SEMA3A: variants seen among roughly 807,000 people sequenced by gnomAD.
The protein encoded by SEMA3A is semaphorin 3A.
Under a neutral mutation model 97.9 loss-of-function variants are expected in SEMA3A, and 29 were observed. That is an observed-to-expected ratio of 0.30 (90% CI 0.22 to 0.40). SEMA3A has a LOEUF of 0.40. Ranked by LOEUF, SEMA3A falls within the 10% of genes least tolerant of loss-of-function variation. The pLI is 1.00. For missense variants in SEMA3A, 763 were observed against 951.3 expected (o/e 0.80, Z 2.60); for synonymous variants, 321 against 323.7 (o/e 0.99, Z 0.09).
chr7:84,243,135 T>A (rs963399480), intron 3 of SEMA3A, among the ~76,000 whole-genome samples: 19 of 152,174 alleles, frequency 1.2e-4, no homozygotes, highest in Non-Finnish European at 2.2e-4. Flanking sequence ...TCTGCCAGGT[T>A]TTGGTATCAG....
At chr7:84,050,495 C>T (rs1175326600) in intron 5 of SEMA3A, among the ~76,000 whole-genome samples, 7 of 152,040 alleles carry the variant, frequency 4.6e-5, no homozygotes, top group Admixed American at 3.9e-4. Context: ...TTTTTGGCTG[C>T]ATAAATGTCT....
intron 3 of SEMA3A, among the ~76,000 whole-genome samples, chr7:84,268,537 AT>A (rs913809447): frequency 7.2e-5 from 11 of 151,774 alleles, no homozygotes; most frequent in African/African-American, 2.4e-4. Flanking sequence ...CCTTCCTAGT[AT>A]TTTCCCTTTT....
rs369174283 is a variant in SEMA3A, at chr7:84,300,934, T to C, written c.-83+6273A>G. Among the ~76,000 whole-genome samples the C allele has an allele frequency of 6.6e-5, 10 of 152,202 alleles. No homozygotes were observed. In the East Asian group the frequency reaches 1.9e-3, roughly 29 times the overall value. ...GACACATTCTGGGCCTTAAAACAAC[T>C]CTGAATAGATTTAAATTATTTCTAT... On this transcript the variant is annotated intron_variant, in intron 3 of 3. Coordinates refer to the SEMA3A transcript ENST00000424555.
rs566377794 is a variant in SEMA3A at position 84,090,226 on chromosome 7, A to T, written c.453+20244T>A. 2.6e-5 allele frequency among the ~76,000 whole-genome samples: 4 copies of T among 152,272 alleles called. No homozygotes were observed. In the South Asian group the frequency reaches 8.3e-4, roughly 32 times the overall value. On this transcript the variant is annotated intron_variant, in intron 4 of 16. Transcript: ENST00000265362. ...AAGTTGGTAAGAACTTTTAAGTAAA[A>T]CTATGTGGGTTTAGGTACTAGGTAA...
At chr7:84,195,863 C>T (rs994707467), upstream of SEMA3A, among the ~76,000 whole-genome samples, 1 of 152,104 alleles carries the variant, frequency 6.6e-6, no homozygotes, top group African/African-American at 2.4e-5. Flanking sequence ...ATCTCTGTGT[C>T]TTCATGAGCT....
intron 1 of SEMA3A, among the ~76,000 whole-genome samples, chr7:84,417,018 T>G (rs942634851): frequency 6.6e-6 from 1 of 151,978 alleles, no homozygotes; most frequent in Non-Finnish European, 1.5e-5. Context: ...TTTTAAACTT[T>G]AATTTATTTG....
intron 6 of SEMA3A, among the ~76,000 whole-genome samples, chr7:84,022,116 T>C (rs1471313316): frequency 6.7e-6 from 1 of 149,098 alleles, no homozygotes; most frequent in Non-Finnish European, 1.5e-5. Flanking sequence ...AAAACATGTC[T>C]CTCAATTTTA....
Position 84,036,678 on chromosome 7 carries a change from G to C in SEMA3A, c.667+9646C>G, listed in dbSNP as rs147477926. 5.9e-5 allele frequency among the ~76,000 whole-genome samples: 9 copies of C among 152,082 alleles called. No homozygotes were observed. In the East Asian group the frequency reaches 1.7e-3, roughly 29 times the overall value. Reference sequence around the variant, plus strand: ...TGATAAACAGTAACTGAAATGAATAGTTTAATCTCTGTAGAAAAATACCTA... The same window carrying C: ...TGATAAACAGTAACTGAAATGAATACTTTAATCTCTGTAGAAAAATACCTA... On this transcript the variant is annotated intron_variant, in intron 6 of 16. Coordinates refer to ENST00000265362, the MANE Select transcript of SEMA3A (RefSeq NM_006080.3).
At chr7:84,086,934 C>A (rs1457407890) in intron 4 of SEMA3A, among the ~76,000 whole-genome samples, 1 of 151,888 alleles carries the variant, frequency 6.6e-6, no homozygotes. Context: ...ACAGCTCTCT[C>A]TTTTCATATA....
At chr7:84,059,498 A>T (rs1027428528) in intron 5 of SEMA3A, among the ~76,000 whole-genome samples, 2 of 152,100 alleles carry the variant, frequency 1.3e-5, no homozygotes, top group African/African-American at 4.8e-5. Flanking sequence ...GAAGAGAAAC[A>T]TGGAAAACTT....
chr7:84,151,787 A>G (rs1164803623), intron 1 of SEMA3A, among the ~76,000 whole-genome samples: 1 of 152,140 alleles, frequency 6.6e-6, no homozygotes, highest in East Asian at 1.9e-4. Flanking sequence ...AATTTTCGCA[A>G]CCTACTCATC....
chr7:84,306,797 T>C (rs1302231944), intron 3 of SEMA3A, among the ~76,000 whole-genome samples: 1 of 152,150 alleles, frequency 6.6e-6, no homozygotes, highest in African/African-American at 2.4e-5. Flanking sequence ...TTCTGGATGA[T>C]AGTAACCATA....
chr7:84,230,501 T>C (rs1465410305), intron 3 of SEMA3A, among the ~76,000 whole-genome samples: 2 of 151,994 alleles, frequency 1.3e-5, no homozygotes, highest in African/African-American at 2.4e-5. Flanking sequence ...ACTCCTCTTT[T>C]ATTGGTACTT....
At chr7:84,282,574 T>G (rs1300458475) in intron 3 of SEMA3A, among the ~76,000 whole-genome samples, 2 of 152,094 alleles carry the variant, frequency 1.3e-5, no homozygotes, top group Non-Finnish European at 2.9e-5. Context: ...CTAACAACCT[T>G]CTCTAAGTCA....
intron 2 of SEMA3A, among the ~76,000 whole-genome samples, chr7:84,133,699 A>C (rs1414207150): frequency 1.3e-5 from 2 of 152,058 alleles, no homozygotes; most frequent in Non-Finnish European, 2.9e-5. Context: ...ACACATATAG[A>C]CTTAGTAGCA....
intron 6 of SEMA3A, among the ~76,000 whole-genome samples, chr7:84,033,986 ATT>A (rs35107072): frequency 1.0e-4 from 15 of 147,790 alleles, no homozygotes; most frequent in Non-Finnish European, 7.5e-5. Context: ...TTTGTTTTTA[ATT>A]TTTTTTTTTT....
intron 1 of SEMA3A, among the ~76,000 whole-genome samples, chr7:84,451,419 C>T (rs1393751778): frequency 6.6e-6 from 1 of 152,154 alleles, no homozygotes. Flanking sequence ...GCCCAGCTAT[C>T]ACAAATAACT....
intron 1 of SEMA3A, among the ~76,000 whole-genome samples, chr7:84,161,967 A>G (rs1272463320): frequency 6.6e-6 from 1 of 152,206 alleles, no homozygotes; most frequent in African/African-American, 2.4e-5. Flanking sequence ...TGGCTCTGCA[A>G]TAATTTTAAT....
At chr7:84,115,539 G>GAA (rs1378972390) in intron 3 of SEMA3A, among the ~76,000 whole-genome samples, 2 of 152,042 alleles carry the variant, frequency 1.3e-5, no homozygotes, top group African/African-American at 4.8e-5. Context: ...AATTCACTTT[G>GAA]AAATTCTGTG....
Sources: gnomAD v4.1 joint callset for allele counts (sites outside exome capture counted in the v4.1 genomes callset) on GRCh38, gnomAD v4.1.1 for gene constraint, MANE v1.5 for transcripts, NCBI Gene and HGNC (gene_info 2026-07-23, HGNC 2026-07-21) for gene names.